Variants in LAS1L observed in about 807,000 individuals in gnomAD.
The protein encoded by LAS1L is LAS1 like ribosome biogenesis factor, also known as ribosomal biogenesis protein LAS1L.
LAS1L carries 5 observed loss-of-function variants against 57.3 expected under a neutral mutation model. The ratio of observed to expected loss-of-function variants is 0.09; its 90% CI spans 0.05 to 0.18. The LOEUF (loss-of-function observed/expected upper bound fraction) is 0.18, where lower values mean the gene tolerates loss of function less well. Ranked by LOEUF, LAS1L falls within the 10% of genes least tolerant of loss-of-function variation. LAS1L has a pLI of 1.00. For missense variants in LAS1L, 360 were observed against 568.3 expected, an observed-to-expected ratio of 0.63 and a Z score of 3.73; for synonymous variants, 245 against 231.7, an observed-to-expected ratio of 1.06 and a Z score of -0.52.
Position 65,524,042 on chromosome X carries a change from C to G in LAS1L, c.1300+14G>C, listed in dbSNP as rs772288401. The G allele has an allele frequency of 1.1e-5, 13 of 1,203,629 alleles. No homozygotes were observed. In the South Asian group the frequency reaches 2.3e-4, roughly 21 times the overall value. ...GCTGCCTTAGGCCCTAGGGCTAGGG[C>G]TAGTCTCCCTCACCAGTCTTGGTGT... On this transcript the variant is annotated intron_variant, in intron 10 of 13. Coordinates refer to ENST00000374811, the MANE Select transcript of LAS1L (RefSeq NM_031206.7).
chrX:65,524,039 G>A lies in LAS1L; in HGVS notation c.1300+17C>T. The A allele has an allele frequency of 8.3e-7, 1 of 1,202,325 alleles. No individual in the cohort carries two copies. On this transcript the variant is annotated intron_variant, in intron 10 of 13. Coordinates refer to ENST00000374811, the MANE Select transcript of LAS1L (RefSeq NM_031206.7). The stretch of plus-strand genomic sequence containing the variant: ...TGGGCTGCCTTAGGCCCTAGGGCTA[G>A]GGCTAGTCTCCCTCACCAGTCTTGG...
chrX:65,528,579 C>T (rs933869384), intron 6 of LAS1L, among the ~76,000 whole-genome samples: 2 of 112,147 alleles, frequency 1.8e-5, no homozygotes, highest in Non-Finnish European at 3.8e-5. Flanking sequence ...TTCTCCCTCC[C>T]TTCCTCCTCC....
chrX:65,526,066 TC>T (rs2069129361), intron 7 of LAS1L, among the ~76,000 whole-genome samples: 1 of 111,143 alleles, frequency 9.0e-6, no homozygotes, highest in Non-Finnish European at 1.9e-5. Context: ...GAGCCTGACA[TC>T]TCCCCCTCCA....
intron 3 of LAS1L, 69 bp downstream of exon 3, chrX:65,532,492 A>G: frequency 1.2e-6 from 1 of 800,963 alleles, no homozygotes; most frequent in South Asian, 2.1e-5. Context: ...TGTGCCCACA[A>G]TACCCCATGC....
chrX:65,529,182 G>C, intron 6 of LAS1L, 30 bp downstream of exon 6: 6 of 1,156,439 alleles, frequency 5.2e-6, no homozygotes, highest in Non-Finnish European at 5.9e-6. Context: ...GGGCAGATGA[G>C]AGCACACCAA....
intron 11 of LAS1L, chrX:65,519,010 GA>G: frequency 2.2e-5 from 16 of 727,082 alleles, no homozygotes; most frequent in Non-Finnish European, 2.6e-5. Context: ...TGGAGGAAAA[GA>G]AAAAAAAAGC....
intron 11 of LAS1L, chrX:65,520,601 T>G: frequency 1.3e-6 from 1 of 754,398 alleles, no homozygotes. Context: ...GCATAATACC[T>G]GGGCAAACCC....
chrX:65,522,558 T>C (rs1057344000), intron 11 of LAS1L: 4 of 110,836 alleles, frequency 3.6e-5, no homozygotes, highest in Admixed American at 9.8e-5. Context: ...AAGTCAGATA[T>C]GGCCAAAGGA....
At chrX:65,533,922 A>T (rs542680512) in intron 1 of LAS1L, among the ~76,000 whole-genome samples, 187 bp from the exon 2 acceptor site, 3 of 112,063 alleles carry the variant, frequency 2.7e-5, no homozygotes, top group African/African-American at 9.7e-5. Flanking sequence ...ACAGGGCATG[A>T]GGAGCTGACT....
At chrX:65,533,776 C>T in intron 1 of LAS1L, 41 bp from the exon 2 acceptor site, 1 of 1,195,143 alleles carries the variant, frequency 8.4e-7, no homozygotes, top group South Asian at 1.8e-5. Context: ...AGAGCCCTTA[C>T]ACTGGTCCAC....
chrX:65,516,877 C>G (rs988301363), intron 12 of LAS1L, among the ~76,000 whole-genome samples: 3 of 110,805 alleles, frequency 2.7e-5, no homozygotes, highest in African/African-American at 9.8e-5. Flanking sequence ...CAAGGACAAA[C>G]AAAGGCCATA....
Position 65,534,517 on chromosome X carries a change from G to A in LAS1L, c.199C>T (p.Arg67Trp). 1 of 1,208,158 alleles carries A rather than the reference G, an allele frequency of 8.3e-7. No homozygotes were observed. Among genetic ancestry groups the A allele is most frequent in the Non-Finnish European group, 1.1e-6 (1 of 893,590 alleles). The part of the protein sequence containing the change: ...YLFCDDHKLQ[R>W]YALNRITVWR... The stretch of plus-strand genomic sequence containing the variant: ...ACCGTGATGCGGTTAAGCGCGTACC[G>A]CTGCAACTTATGGTCGTCACAGAAC... Residue 67 changes from arginine to tryptophan, a missense_variant, in exon 1 of 14, where the codon CGG becomes TGG. Around this residue, in one of 7 missense-constraint regions of LAS1L, gnomAD observed 25 missense variants for 38.2 expected, o/e 0.65. Coordinates refer to ENST00000374811, the MANE Select transcript of LAS1L (RefSeq NM_031206.7).
chrX:65,521,025 C>A, intron 11 of LAS1L: 1 of 754,527 alleles, frequency 1.3e-6, no homozygotes. Context: ...CAATTGCCCA[C>A]CCATCCACAT....
chrX:65,516,746 G>A (rs1468138539), intron 12 of LAS1L, among the ~76,000 whole-genome samples: 1 of 107,685 alleles, frequency 9.3e-6, no homozygotes, highest in Non-Finnish European at 1.9e-5. Context: ...AGCCCTCCTT[G>A]CCCTAAGTTA....
chrX:65,528,740 A>G (rs1161529385), intron 6 of LAS1L, among the ~76,000 whole-genome samples: 2 of 112,864 alleles, frequency 1.8e-5, no homozygotes, highest in Non-Finnish European at 3.7e-5. Flanking sequence ...TCCTGGTTCT[A>G]TCATTAACTG....
rs1218550692 is a variant in LAS1L at position 65,534,782 on chromosome X, C to A, written c.-67G>T. On this transcript the variant is annotated 5_prime_UTR_variant, in exon 1 of 14. Transcript: ENST00000374811. ...AGCCTTCAGCTCAGCGTGCTACCCT[C>A]ACTCCGAACCGCCACCGCACCAGCA... The A allele has an allele frequency of 5.6e-6, 5 of 890,373 alleles. No homozygotes were observed. In the African/African-American group the frequency reaches 1.0e-4, roughly 18 times the overall value. 73.4% of individuals were successfully genotyped at this position (890,373 alleles called of 1,213,427 possible). A position where few individuals can be genotyped will look rare whatever the true frequency, so the allele number is the denominator to read the frequency against.
At chrX:65,523,903 T>C (rs1304127563) in intron 10 of LAS1L, among the ~76,000 whole-genome samples, 153 bp downstream of exon 10, 1 of 112,665 alleles carries the variant, frequency 8.9e-6, no homozygotes, top group African/African-American at 3.2e-5. Context: ...AAGGGAGATT[T>C]GTCCACTGCT....
At chrX:65,520,552 G>T in intron 11 of LAS1L, 1 of 752,956 alleles carries the variant, frequency 1.3e-6, no homozygotes, top group Non-Finnish European at 1.6e-6. Context: ...TGGGACTAAG[G>T]ACAGGCTATC....
At chrX:65,519,834 G>A (rs143397532) in intron 11 of LAS1L, among the ~76,000 whole-genome samples, 376 of 111,285 alleles carry the variant, frequency 3.4e-3, no homozygotes, top group African/African-American at 0.011. Context: ...GGCAGGGCTG[G>A]GGGGCTGATG....
Sources: gnomAD v4.1 joint callset for allele counts (sites outside exome capture counted in the v4.1 genomes callset) on GRCh38, gnomAD v4.1.1 for gene constraint, gnomAD v4.1.1 regional missense constraint, MANE v1.5 for transcripts, NCBI Gene and HGNC (gene_info 2026-07-23, HGNC 2026-07-21) for gene names.